Variants in MYO5B observed in about 807,000 individuals in gnomAD.
MYO5B encodes the protein myosin VB.
MYO5B carries 143 observed loss-of-function variants against 229.3 expected under a neutral mutation model. The ratio of observed to expected loss-of-function variants is 0.62; its 90% CI spans 0.54 to 0.72. The LOEUF is 0.72. MYO5B is among the 30% of genes least tolerant of loss of function. The probability of loss-of-function intolerance (pLI) is 0.00; values close to 1 mark genes in which losing one functional copy is unlikely to be tolerated. For synonymous variants in MYO5B, 918 were observed against 885.2 expected (o/e 1.04, Z -0.66); for missense variants, 2,321 against 2,331.0 (o/e 1.00, Z 0.09).
At position 49,843,999 on chromosome 18, in the gene MYO5B, G is replaced by A. The variant is rs560859908; in HGVS notation, c.4460-607C>T. On this transcript the variant is annotated intron_variant, in intron 33 of 39. Coordinates refer to ENST00000285039, the MANE Select transcript of MYO5B (RefSeq NM_001080467.3). ...CAGGCAGGCCCCCCTTCCCCACCCC[G>A]GTGCTGCTGCTTGGCATGCATCTCT... is the stretch of plus-strand genomic sequence containing the variant. 9.9e-5 allele frequency among the ~76,000 whole-genome samples: 15 copies of A among 152,262 alleles called. No individual in the cohort carries two copies. The East Asian group carries it at 1.9e-3, about 20-fold the overall frequency.
chr18:50,027,886 T>C (rs763142435), intron 4 of MYO5B, among the ~76,000 whole-genome samples: 2 of 152,128 alleles, frequency 1.3e-5, no homozygotes, highest in African/African-American at 2.4e-5. Context: ...AAATTTAATA[T>C]GGATAGAATC....
intron 1 of MYO5B, among the ~76,000 whole-genome samples, chr18:50,161,259 C>T (rs2032760547): frequency 6.6e-6 from 1 of 152,164 alleles, no homozygotes; most frequent in Non-Finnish European, 1.5e-5. Flanking sequence ...TGGCACATGC[C>T]TGTAATCCCA....
At chr18:49,954,189 A>G (rs1187120434) in intron 13 of MYO5B, 124 bp downstream of exon 13, 1 of 1,431,122 alleles carries the variant, frequency 7.0e-7, no homozygotes, top group African/African-American at 1.4e-5. Flanking sequence ...TGGAAGGGGA[A>G]CCTAGCTGAG....
intron 22 of MYO5B, among the ~76,000 whole-genome samples, chr18:49,892,753 A>C (rs947854903): frequency 1.3e-5 from 2 of 152,234 alleles, no homozygotes; most frequent in African/African-American, 4.8e-5. Flanking sequence ...AAGATTCTAA[A>C]GAATGTTTGC....
chr18:50,194,932 C>CTGCGGGAAGCCGGCG lies in MYO5B; in HGVS notation c.-140_-139insCGCCGGCTTCCCGCA. 8.5e-7 allele frequency: 1 copy of CTGCGGGAAGCCGGCG among 1,171,084 alleles called. No homozygotes were observed. The highest frequency in any genetic ancestry group is 1.1e-6 in the Non-Finnish European group (1 of 940,728). The allele number at this position is 1,171,084 out of a possible 1,614,324, so 72.5% of individuals were successfully genotyped here. A position where few individuals can be genotyped will look rare whatever the true frequency, so the allele number is the denominator to read the frequency against. On this transcript the variant is annotated 5_prime_UTR_variant, in exon 1 of 40. Coordinates refer to ENST00000285039, the MANE Select transcript of MYO5B (RefSeq NM_001080467.3). Reference sequence around the variant, plus strand: ...CTCGCTCTTCTCCGACCTGCCCCGCCGGCTTCCCGCAGGCGCCGCGGCCGG... The same window carrying CTGCGGGAAGCCGGCG: ...CTCGCTCTTCTCCGACCTGCCCCGCCTGCGGGAAGCCGGCGGGCTTCCCGCAGGCGCCGCGGCCGG...
At chr18:50,071,310 T>G (rs1481917222) in intron 1 of MYO5B, among the ~76,000 whole-genome samples, 1 of 152,222 alleles carries the variant, frequency 6.6e-6, no homozygotes, top group Non-Finnish European at 1.5e-5. Flanking sequence ...GTGTTTTTAC[T>G]ATAACAGCCT....
At chr18:50,137,880 C>G (rs531630993) in intron 1 of MYO5B, among the ~76,000 whole-genome samples, 1 of 152,046 alleles carries the variant, frequency 6.6e-6, no homozygotes, top group East Asian at 1.9e-4. Flanking sequence ...AATGCAGGAA[C>G]AGAAAATCAA....
chr18:49,990,372 C>G lies in MYO5B; in HGVS notation c.838+67G>C, dbSNP rs149947625. On this transcript the variant is annotated intron_variant, in intron 7 of 39. Coordinates refer to ENST00000285039, the MANE Select transcript of MYO5B (RefSeq NM_001080467.3). ...CCATGACGGAGGGCTTTGAGCAGAG[C>G]CCCCAGCTGTGCACCCGCTGGAGCA... is the stretch of plus-strand genomic sequence containing the variant. 68 of 1,339,390 alleles carry G rather than the reference C, an allele frequency of 5.1e-5. 1 individual carries two copies. The highest frequency in any genetic ancestry group is 7.1e-5 in the Non-Finnish European group (66 of 933,504). 83.0% of individuals were successfully genotyped at this position (1,339,390 alleles called of 1,614,324 possible).
chr18:49,866,216 C>G (rs367971580), intron 27 of MYO5B, among the ~76,000 whole-genome samples: 3 of 152,010 alleles, frequency 2.0e-5, no homozygotes, highest in African/African-American at 7.2e-5. Context: ...CTACAGGCGC[C>G]CACCACCACG....
intron 1 of MYO5B, among the ~76,000 whole-genome samples, chr18:50,071,256 C>T (rs2030951876): frequency 6.6e-6 from 1 of 152,204 alleles, no homozygotes; most frequent in Non-Finnish European, 1.5e-5. Flanking sequence ...ACATTACTCC[C>T]TTTGTCAAGA....
At chr18:50,004,891 C>T (rs1186086799) in intron 4 of MYO5B, among the ~76,000 whole-genome samples, 1 of 152,230 alleles carries the variant, frequency 6.6e-6, no homozygotes, top group Non-Finnish European at 1.5e-5. Flanking sequence ...GCTGGAATCC[C>T]AGAAATGGAC....
intron 21 of MYO5B, among the ~76,000 whole-genome samples, chr18:49,898,493 C>T (rs993987468): frequency 4.6e-5 from 7 of 152,188 alleles, no homozygotes; most frequent in African/African-American, 7.2e-5. Flanking sequence ...GCCGAGTTCA[C>T]GGACTACATC....
At chr18:49,880,031 G>A (rs1175890210) in intron 23 of MYO5B, among the ~76,000 whole-genome samples, 1 of 152,266 alleles carries the variant, frequency 6.6e-6, no homozygotes, top group African/African-American at 2.4e-5. Context: ...TGAGCCCCCC[G>A]ATGTCTGGAC....
At chr18:50,077,373 C>T (rs982761450) in intron 1 of MYO5B, among the ~76,000 whole-genome samples, 3 of 151,954 alleles carry the variant, frequency 2.0e-5, no homozygotes, top group Non-Finnish European at 4.4e-5. Context: ...GATTACAACT[C>T]GGAAGTCCCT....
chr18:50,068,279 T>C (rs905856589), intron 1 of MYO5B, among the ~76,000 whole-genome samples: 1 of 152,346 alleles, frequency 6.6e-6, no homozygotes, highest in South Asian at 2.1e-4. Flanking sequence ...GTTCTTAAAA[T>C]AGAAACCCAC....
chr18:49,864,693 C>T (rs1398157025), intron 27 of MYO5B, among the ~76,000 whole-genome samples: 4 of 152,212 alleles, frequency 2.6e-5, no homozygotes, highest in Non-Finnish European at 2.9e-5. Flanking sequence ...ATGCTGGGCT[C>T]ACAATTTTAA....
intron 27 of MYO5B, among the ~76,000 whole-genome samples, chr18:49,871,923 G>T (rs567415535): frequency 7.1e-4 from 108 of 152,238 alleles, no homozygotes; most frequent in African/African-American, 2.5e-3. Flanking sequence ...GTGATTTTTA[G>T]TGGCCATATT....
At chr18:49,876,334 A>G (rs1369703142) in intron 25 of MYO5B, 4 of 247,274 alleles carry the variant, frequency 1.6e-5, no homozygotes, top group Non-Finnish European at 3.2e-5. Flanking sequence ...CAGATCTTAA[A>G]GCATCTATTT....
At position 49,878,968 on chromosome 18, in the gene MYO5B, G is replaced by C; in HGVS notation, c.3253C>G (p.Arg1085Gly). 6.2e-7 allele frequency: 1 copy of C among 1,614,130 alleles called. No individual in the cohort carries two copies. The highest frequency in any genetic ancestry group is 2.2e-5 in the East Asian group (1 of 44,868). Reference protein sequence around the residue: ...SQLEQRYDNLRDEMTIIKQTP... With the variant: ...SQLEQRYDNLGDEMTIIKQTP... ...GCCTTTATGATGGTCATTTCATCCCGAAGGTTGTCGTATCTCTGCTCCAAC... is the reference window on the plus strand; with the variant it reads ...GCCTTTATGATGGTCATTTCATCCCCAAGGTTGTCGTATCTCTGCTCCAAC... The change falls in exon 24 of 40, where the codon CGG becomes GGG. Residue 1085 changes from arginine to glycine, a missense_variant. Around this residue, in one of 2 missense-constraint regions of MYO5B, gnomAD observed 2,113 missense variants for 2,044.7 expected, o/e 1.03. Coordinates refer to ENST00000285039, the MANE Select transcript of MYO5B (RefSeq NM_001080467.3).
Sources: allele counts gnomAD v4.1 joint callset (sites outside exome capture counted in the v4.1 genomes callset), GRCh38; gene constraint gnomAD v4.1.1; regional missense constraint gnomAD v4.1.1; transcripts MANE v1.5; gene names NCBI Gene and HGNC (gene_info 2026-07-23, HGNC 2026-07-21).